Variants in MATN4 observed in about 807,000 individuals in gnomAD.
MATN4 encodes the protein matrilin-4.
A neutral mutation model predicts 54.6 loss-of-function variants in MATN4; 40 were observed. That is an observed-to-expected ratio of 0.73 (90% CI 0.57 to 0.95). MATN4 has a LOEUF of 0.95. Among genes scored for constraint, MATN4 ranks in the 40% least tolerant of loss-of-function variants. The pLI, the probability that MATN4 is intolerant of heterozygous loss-of-function variation, is 0.00. For missense variants in MATN4, 810 were observed against 819.1 expected (o/e 0.99, Z 0.13); for synonymous variants, 351 against 345.3 (o/e 1.02, Z -0.18).
intron 2 of MATN4, 116 bp downstream of exon 2, chr20:45,305,394 G>A: frequency 4.1e-6 from 3 of 724,036 alleles, no homozygotes; most frequent in Admixed American, 2.8e-5. Context: ...CTTAAACCCA[G>A]TCCCATATGT....
At chr20:45,308,137 CT>C (rs1986900879) in intron 1 of MATN4, 37 bp downstream of exon 1, 1 of 1,607,666 alleles carries the variant, frequency 6.2e-7, no homozygotes, top group Non-Finnish European at 8.5e-7. Context: ...GCCTACTCCC[CT>C]GCAGACCCCT....
In MATN4 at chr20:45,298,761, C is replaced by CCAT. The variant is rs369157494; in HGVS notation, c.1013-181_1013-179dup. Among the ~76,000 whole-genome samples, 1 of 152,158 alleles carries CCAT rather than the reference C, an allele frequency of 6.6e-6. No homozygotes were observed. The highest frequency in any genetic ancestry group is 1.5e-5 in the Non-Finnish European group (1 of 68,042). The stretch of plus-strand genomic sequence containing the variant: ...ATTATCACCATCATCATCACCATCA[C>CCAT]CATCATCATCACCCTCATCATCGCC... On this transcript the variant is annotated intron_variant, in intron 6 of 9. Coordinates refer to ENST00000372756, the MANE Select transcript of MATN4 (RefSeq NM_001393530.1). The surrounding 1 kb of genome is among the most constrained non-coding windows in gnomAD (Gnocchi z 4.6).
upstream of MATN4, chr20:45,308,596 G>T: frequency 3.5e-6 from 1 of 284,628 alleles, no homozygotes; most frequent in Non-Finnish European, 6.8e-6. Context: ...GGGTGGAGCG[G>T]TCCTGGCTGT....
intron 1 of MATN4, among the ~76,000 whole-genome samples, 191 bp from the exon 2 acceptor site, chr20:45,305,807 T>TTTTTTTTTTTTTTTTTTTTTC (rs1986609091): frequency 1.9e-5 from 2 of 104,866 alleles, no homozygotes; most frequent in South Asian, 3.8e-4. Flanking sequence ...AAGAGATTCT[T>TTTTTTTTTTTTTTTTTTTTTC]TTTTTTTTTT....
rs760819449 is a variant in MATN4 at position 45,304,569 on chromosome 20, A to G, written c.302T>C (p.Ile101Thr). Reference protein sequence around the residue: ...FSRREDMERAIRDLVPLAQGT... With the variant: ...FSRREDMERATRDLVPLAQGT... ...TTGCGCCAGAGGCACCAGGTCGCGG[A>G]TGGCGCGCTCCATGTCCTCGCGGCG... Residue 101 changes from isoleucine to threonine, a missense_variant, in exon 3 of 10, where the codon ATC (isoleucine) becomes ACC (threonine). By Grantham distance (89) the Ile-to-Thr change is moderately conservative. Coordinates refer to ENST00000372756, the MANE Select transcript of MATN4 (RefSeq NM_001393530.1). The G allele has an allele frequency of 1.3e-5, 21 of 1,597,726 alleles. No homozygotes were observed. The highest frequency in any genetic ancestry group is 6.7e-5 in the Admixed American group (4 of 59,706).
At chr20:45,306,399 T>C (rs779224254) in intron 1 of MATN4, among the ~76,000 whole-genome samples, 4 of 152,140 alleles carry the variant, frequency 2.6e-5, no homozygotes, top group African/African-American at 4.8e-5. Context: ...GCCTGGGCGT[T>C]TGGTGCCTCT....
At chr20:45,306,997 G>GT in intron 1 of MATN4, 1 of 1,127,958 alleles carries the variant, frequency 8.9e-7, no homozygotes, top group Non-Finnish European at 1.1e-6. Flanking sequence ...AACTACGAAG[G>GT]ACCACCCCCC....
chr20:45,299,020 C>T (rs2145649530), intron 6 of MATN4, among the ~76,000 whole-genome samples: 1 of 152,252 alleles, frequency 6.6e-6, no homozygotes, highest in East Asian at 1.9e-4. Flanking sequence ...TCAATCCTCC[C>T]AATAAGCTTG....
At chr20:45,306,100 C>G (rs781139338) in intron 1 of MATN4, among the ~76,000 whole-genome samples, 3 of 151,818 alleles carry the variant, frequency 2.0e-5, no homozygotes, top group Non-Finnish European at 2.9e-5. Context: ...CCACCGCGCT[C>G]GGCCCACAAG....
intron 6 of MATN4, among the ~76,000 whole-genome samples, chr20:45,299,818 C>G (rs561756985): frequency 9.2e-4 from 129 of 140,936 alleles, no homozygotes; most frequent in Non-Finnish European, 1.6e-3. Flanking sequence ...GCAGAGGTTG[C>G]AGTGAGCCGA....
intron 8 of MATN4, 134 bp downstream of exon 8, chr20:45,297,783 TG>T: frequency 9.0e-7 from 1 of 1,114,240 alleles, no homozygotes; most frequent in Non-Finnish European, 1.3e-6. Flanking sequence ...AGACCACATT[TG>T]GAGTAGCAAA....
intron 3 of MATN4, among the ~76,000 whole-genome samples, chr20:45,303,938 G>A (rs562916189): frequency 1.6e-4 from 24 of 152,348 alleles, no homozygotes; most frequent in African/African-American, 5.5e-4. Flanking sequence ...ATCCCTCTTA[G>A]CTTTGAGAAT....
rs1394403922 is a variant in MATN4 at position 45,298,354 on chromosome 20, G to A, written c.1242C>T (p.Ala414=). 1.9e-6 allele frequency: 3 copies of A among 1,612,958 alleles called. No homozygotes were observed. The highest frequency in any genetic ancestry group is 1.7e-5 in the Admixed American group (1 of 59,946). The change falls in exon 7 of 10, where the codon GCC becomes GCT. Residue 414 remains alanine (A), a synonymous_variant. Transcript: ENST00000372756. The surrounding 1 kb of genome is among the most constrained non-coding windows in gnomAD (Gnocchi z 4.6). ...TGGTGCCGCGTTCCATGTACTCCACGGCCAGGACCGCCTGCTTCACCTCGG... is the reference window on the plus strand; with the variant it reads ...TGGTGCCGCGTTCCATGTACTCCACAGCCAGGACCGCCTGCTTCACCTCGG... ...TAAEVKQAVL[A]VEYMERGTMT...
intron 8 of MATN4, among the ~76,000 whole-genome samples, chr20:45,296,065 A>G (rs1985798484): frequency 6.6e-6 from 1 of 151,850 alleles, no homozygotes; most frequent in Non-Finnish European, 1.5e-5. Context: ...ACTAGAAAAA[A>G]TTAGCCGGGC....
rs777032294 is a variant in MATN4 at position 45,293,888 on chromosome 20, C to T, written c.1687+20G>A. ...CCCTTCACTTTCCCTCCAGCCCGCGCCACCAGCCCCAAAGGATATGGTTCA... is the reference window on the plus strand; with the variant it reads ...CCCTTCACTTTCCCTCCAGCCCGCGTCACCAGCCCCAAAGGATATGGTTCA... On this transcript the variant is annotated intron_variant, in intron 9 of 9. Coordinates refer to ENST00000372756, the MANE Select transcript of MATN4 (RefSeq NM_001393530.1). The T allele has an allele frequency of 6.2e-7, 1 of 1,606,246 alleles. No individual in the cohort carries two copies.
chr20:45,298,487 T>A lies in MATN4; in HGVS notation c.1109A>T (p.Gln370Leu). The change falls in exon 7 of 10, where the codon CAG becomes CTG. Residue 370 changes from glutamine (Q) to leucine (L), a missense_variant. By Grantham distance (113) the Gln-to-Leu change is moderately radical (BLOSUM62 -2). Transcript: ENST00000372756. The surrounding 1 kb of genome is among the most constrained non-coding windows in gnomAD (Gnocchi z 4.6). ...GGACACATCTAGGAAGTCCACAATC[T>A]GGTTCACGAAGCGCTTCACTAGCTC... The part of the protein sequence containing the change: ...NFELVKRFVN[Q>L]IVDFLDVSPE... 6.2e-7 allele frequency: 1 copy of A among 1,613,778 alleles called. No individual in the cohort carries two copies. Among genetic ancestry groups the A allele is most frequent in the Non-Finnish European group, 8.5e-7 (1 of 1,179,844 alleles).
upstream of MATN4, chr20:45,308,311 AGGCAACG>A: frequency 8.6e-7 from 1 of 1,159,876 alleles, no homozygotes; most frequent in Non-Finnish European, 1.3e-6. Flanking sequence ...GAGCACACAG[AGGCAACG>A]GCCGCATTTA....
intron 6 of MATN4, 57 bp downstream of exon 6, chr20:45,300,830 T>C: frequency 6.2e-7 from 1 of 1,601,338 alleles, no homozygotes; most frequent in East Asian, 2.2e-5. Flanking sequence ...TCAAGGACAC[T>C]CCAAATGTGG....
At chr20:45,302,853 C>G (rs1037228755) in intron 3 of MATN4, among the ~76,000 whole-genome samples, 2 of 152,056 alleles carry the variant, frequency 1.3e-5, no homozygotes, top group Non-Finnish European at 2.9e-5. Flanking sequence ...GAGGCCAAGG[C>G]GGGCAGATCA....
Sources: allele counts gnomAD v4.1 joint callset (sites outside exome capture counted in the v4.1 genomes callset), GRCh38; gene constraint gnomAD v4.1.1; non-coding constraint Gnocchi (gnomAD v3.1); transcripts MANE v1.5; gene names NCBI Gene and HGNC (gene_info 2026-07-23, HGNC 2026-07-21).